SLC25A26: variants seen among roughly 807,000 people sequenced by gnomAD.
SLC25A26 encodes the protein solute carrier family 25 member 26.
Under a neutral mutation model 37.8 loss-of-function variants are expected in SLC25A26, and 36 were observed. The observed-to-expected ratio is 0.95, with a 90% CI of 0.73 to 1.26. The LOEUF is 1.26. Among genes scored for constraint, SLC25A26 ranks in the 50% most tolerant of loss-of-function variants. The pLI is 0.00. For synonymous variants in SLC25A26, 129 were observed against 122.5 expected, an observed-to-expected ratio of 1.05 and a Z score of -0.35; for missense variants, 390 against 331.1, an observed-to-expected ratio of 1.18 and a Z score of -1.38.
chr3:66,198,662 G>A (rs2071075502), intron 1 of SLC25A26, among the ~76,000 whole-genome samples: 1 of 151,304 alleles, frequency 6.6e-6, no homozygotes, highest in Non-Finnish European at 1.5e-5. Context: ...TCCTAACTCC[G>A]GCACTCACTG....
chr3:66,175,359 G>A (rs1005542900), intron 1 of SLC25A26, among the ~76,000 whole-genome samples: 1 of 151,706 alleles, frequency 6.6e-6, no homozygotes, highest in African/African-American at 2.4e-5. Context: ...TGAGTAGCTG[G>A]GATTACAAGT....
rs183936977 is a variant in SLC25A26 at position 66,237,389 on chromosome 3, A to G, written c.190+689A>G. ...GTCATCCTAGAAGTTTAATTGGTCT[A>G]GGCTTCGCCTGGGTATTAGGAGTTT... On this transcript the variant is annotated intron_variant, in intron 2 of 9. Transcript: ENST00000354883. Among the ~76,000 whole-genome samples the G allele has an allele frequency of 7.9e-5, 12 of 152,388 alleles. No homozygotes were observed. The East Asian group carries it at 2.3e-3, about 29-fold the overall frequency.
intron 1 of SLC25A26, among the ~76,000 whole-genome samples, chr3:66,190,718 T>A (rs1264897728): frequency 6.6e-6 from 1 of 152,228 alleles, no homozygotes; most frequent in Admixed American, 6.5e-5. Context: ...CATGAGCCAC[T>A]GTGCCTGACC....
At chr3:66,269,419 T>TA (rs1243387482) in intron 5 of SLC25A26, among the ~76,000 whole-genome samples, 3 of 152,180 alleles carry the variant, frequency 2.0e-5, no homozygotes, top group South Asian at 2.1e-4. Context: ...TTTATAATAG[T>TA]AAAAAAATTG....
At chr3:66,308,958 C>T (rs112122464) in intron 5 of SLC25A26, among the ~76,000 whole-genome samples, 5 of 152,160 alleles carry the variant, frequency 3.3e-5, no homozygotes, top group African/African-American at 7.2e-5. Flanking sequence ...TGAGGATTTT[C>T]GCGTCCATGT....
Position 66,351,284 on chromosome 3 carries a change from T to C in SLC25A26, c.498+4876T>C, listed in dbSNP as rs368128921. Among the ~76,000 whole-genome samples, 102 of 152,306 alleles carry C rather than the reference T, an allele frequency of 6.7e-4. No homozygotes were observed. In the South Asian group the frequency reaches 0.02, roughly 30 times the overall value. ...TCATTTCCTTTGTTTTTCTTTTCTT[T>C]ATTATACATATGCTTACAAAAGTAT... On this transcript the variant is annotated intron_variant, in intron 6 of 9. Transcript: ENST00000354883.
intron 5 of SLC25A26, among the ~76,000 whole-genome samples, chr3:66,281,822 CTTT>C (rs35569177): frequency 1.6e-5 from 2 of 122,410 alleles, no homozygotes; most frequent in African/African-American, 3.4e-5. Flanking sequence ...CCCGTTAGTC[CTTT>C]TTTTTTTTTT....
intron 3 of SLC25A26, among the ~76,000 whole-genome samples, chr3:66,256,394 T>G (rs1015280836): frequency 2.0e-5 from 3 of 152,198 alleles, no homozygotes; most frequent in African/African-American, 7.2e-5. Flanking sequence ...ATTTTATTTT[T>G]CTTCCTCACT....
chr3:66,307,343 G>T (rs185734976), intron 5 of SLC25A26, among the ~76,000 whole-genome samples: 24 of 152,248 alleles, frequency 1.6e-4, no homozygotes, highest in African/African-American at 5.8e-4. Flanking sequence ...CCCACTTTCT[G>T]ATGGGGTCGT....
chr3:66,189,649 G>A (rs1459978359), intron 1 of SLC25A26, among the ~76,000 whole-genome samples: 2 of 152,104 alleles, frequency 1.3e-5, no homozygotes, highest in African/African-American at 4.8e-5. Context: ...CACATGTACT[G>A]TGTGCTTTCT....
intron 1 of SLC25A26, among the ~76,000 whole-genome samples, chr3:66,158,419 T>C (rs1354933749): frequency 6.6e-6 from 1 of 152,222 alleles, no homozygotes; most frequent in Non-Finnish European, 1.5e-5. Flanking sequence ...AAACATGTTG[T>C]ACAAGTTTTA....
intron 3 of SLC25A26, among the ~76,000 whole-genome samples, chr3:66,245,563 A>G (rs1011619888): frequency 5.3e-5 from 8 of 149,880 alleles, no homozygotes; most frequent in South Asian, 2.1e-4. Flanking sequence ...AAGTAATGGC[A>G]TATGTTTACA....
intron 5 of SLC25A26, among the ~76,000 whole-genome samples, chr3:66,269,955 T>C (rs2073896825): frequency 6.6e-6 from 1 of 152,156 alleles, no homozygotes; most frequent in Non-Finnish European, 1.5e-5. Flanking sequence ...TAGCATAATA[T>C]CTTCTACACA....
At chr3:66,305,463 T>C (rs1361873284) in intron 5 of SLC25A26, among the ~76,000 whole-genome samples, 2 of 152,240 alleles carry the variant, frequency 1.3e-5, no homozygotes, top group Non-Finnish European at 2.9e-5. Context: ...TATTTCATTT[T>C]AATTTTTAAG....
At chr3:66,237,558 T>G (rs968553677) in intron 2 of SLC25A26, among the ~76,000 whole-genome samples, 2 of 152,246 alleles carry the variant, frequency 1.3e-5, no homozygotes, top group Admixed American at 6.5e-5. Context: ...TGTTTCTCAC[T>G]AATGTTCTCC....
At chr3:66,341,841 C>T (rs1372015625) in intron 5 of SLC25A26, among the ~76,000 whole-genome samples, 1 of 151,994 alleles carries the variant, frequency 6.6e-6, no homozygotes, top group Non-Finnish European at 1.5e-5. Flanking sequence ...TTAAAAAAAT[C>T]AGAATGTATT....
At chr3:66,363,175 A>G (rs2076751691) in intron 7 of SLC25A26, among the ~76,000 whole-genome samples, 1 of 152,068 alleles carries the variant, frequency 6.6e-6, no homozygotes, top group African/African-American at 2.4e-5. Context: ...TCTTTATTAA[A>G]GCCTTCACTC....
chr3:66,324,969 T>C (rs1306956036), intron 5 of SLC25A26, among the ~76,000 whole-genome samples: 2 of 152,236 alleles, frequency 1.3e-5, no homozygotes, highest in African/African-American at 4.8e-5. Context: ...TACCCAGGAA[T>C]TCACAAATAA....
At chr3:66,266,349 C>T (rs2073748991) in intron 5 of SLC25A26, among the ~76,000 whole-genome samples, 1 of 152,050 alleles carries the variant, frequency 6.6e-6, no homozygotes, top group Non-Finnish European at 1.5e-5. Context: ...TATTCTGGCA[C>T]CAATATAAAA....
Sources: gnomAD v4.1 joint callset for allele counts (sites outside exome capture counted in the v4.1 genomes callset) on GRCh38, gnomAD v4.1.1 for gene constraint, MANE v1.5 for transcripts, NCBI Gene and HGNC (gene_info 2026-07-23, HGNC 2026-07-21) for gene names.